The following MMP26 variants were observed in gnomAD, a reference collection of about 807,000 sequenced individuals.
The protein encoded by MMP26 is matrix metallopeptidase 26, also known as matrix metalloproteinase-26.
A neutral mutation model predicts 31.0 loss-of-function variants in MMP26; 33 were observed. The ratio of observed to expected loss-of-function variants is 1.06; its 90% CI spans 0.81 to 1.42. The LOEUF (loss-of-function observed/expected upper bound fraction) is 1.42, where lower values mean the gene tolerates loss of function less well. Ranked by LOEUF, MMP26 falls within the 40% of genes most tolerant of loss-of-function variation. The pLI is 0.00. For missense variants in MMP26, 347 were observed against 316.1 expected (o/e 1.10, Z -0.74); for synonymous variants, 122 against 114.9 (o/e 1.06, Z -0.40).
chr11:4,767,513 A>C (rs957413336), intron 2 of MMP26, among the ~76,000 whole-genome samples, 172 bp downstream of exon 2: 1 of 152,224 alleles, frequency 6.6e-6, no homozygotes, highest in African/African-American at 2.4e-5. Flanking sequence ...CAAACATAAA[A>C]TATACCTACA....
At chr11:4,889,419 A>G (rs779611896) in intron 2 of MMP26, among the ~76,000 whole-genome samples, 4 of 152,194 alleles carry the variant, frequency 2.6e-5, no homozygotes, top group Admixed American at 6.5e-5. Context: ...GATGCAATCA[A>G]TCACACTTTT....
At chr11:4,937,562 G>C (rs1846142981) in intron 2 of MMP26, 1 of 152,936 alleles carries the variant, frequency 6.5e-6, no homozygotes. Flanking sequence ...GCACAGATGT[G>C]AGAGATGCAC....
At chr11:4,987,639 C>T (rs111253502) in intron 2 of MMP26, among the ~76,000 whole-genome samples, 69 of 151,608 alleles carry the variant, frequency 4.6e-4, no homozygotes, top group African/African-American at 1.5e-3. Context: ...AGGATGGTCT[C>T]GATCTCCTGA....
intron 1 of MMP26, among the ~76,000 whole-genome samples, chr11:4,750,284 G>A (rs1848431712): frequency 6.6e-6 from 1 of 151,980 alleles, no homozygotes; most frequent in African/African-American, 2.4e-5. Flanking sequence ...ATGTTTGTGA[G>A]GATGTGGAGA....
At chr11:4,932,066 C>T (rs1394772770) in intron 2 of MMP26, among the ~76,000 whole-genome samples, 3 of 152,032 alleles carry the variant, frequency 2.0e-5, no homozygotes. Context: ...GCTGAAATAG[C>T]ACTTACTACA....
At chr11:4,898,827 CTCTCTGTGTG>C (rs1218880665) in intron 2 of MMP26, among the ~76,000 whole-genome samples, 37 of 51,754 alleles carry the variant, frequency 7.1e-4, no homozygotes, top group African/African-American at 1.4e-3. Flanking sequence ...CTCTCTCTCT[CTCTCTGTGTG>C]TGTGTGTGTG....
intron 2 of MMP26, among the ~76,000 whole-genome samples, chr11:4,798,359 G>A (rs1311967014): frequency 6.6e-6 from 1 of 152,206 alleles, no homozygotes; most frequent in African/African-American, 2.4e-5. Context: ...GTCAAGGTGG[G>A]ACTACAGGAC....
intron 2 of MMP26, among the ~76,000 whole-genome samples, chr11:4,934,974 T>C (rs1009713357): frequency 1.3e-5 from 2 of 151,870 alleles, no homozygotes; most frequent in African/African-American, 2.4e-5. Context: ...TTTTGGTTAC[T>C]GTAGCCTTGT....
At chr11:4,985,764 T>A (rs934232342) in intron 2 of MMP26, among the ~76,000 whole-genome samples, 8 of 152,216 alleles carry the variant, frequency 5.3e-5, no homozygotes, top group African/African-American at 1.9e-4. Context: ...TATATGAATC[T>A]TAAGTGTACA....
intron 2 of MMP26, among the ~76,000 whole-genome samples, chr11:4,784,828 G>A (rs117191896): frequency 9.1e-4 from 138 of 152,220 alleles, no homozygotes; most frequent in East Asian, 8.9e-3. Flanking sequence ...TAAATGACAC[G>A]TAATAATTGT....
intron 1 of MMP26, among the ~76,000 whole-genome samples, chr11:4,757,388 A>G (rs535257898): frequency 4.6e-5 from 7 of 152,258 alleles, no homozygotes; most frequent in Admixed American, 2.6e-4. Flanking sequence ...CTAGAAAAAA[A>G]ATCGGAGAAG....
intron 2 of MMP26, among the ~76,000 whole-genome samples, chr11:4,774,264 T>C (rs1848762935): frequency 1.3e-5 from 2 of 152,194 alleles, no homozygotes; most frequent in South Asian, 4.1e-4. Context: ...AAAGCATTCC[T>C]ATTTCTCCAC....
chr11:4,970,744 G>C (rs577690282), intron 2 of MMP26, among the ~76,000 whole-genome samples: 1 of 152,286 alleles, frequency 6.6e-6, no homozygotes, highest in South Asian at 2.1e-4. Flanking sequence ...TGCATTTCTG[G>C]TGGTGGCTAT....
rs552482731 is a variant in MMP26, at chr11:4,723,836, C to A, written c.-217+18791C>A. 4 of 1,544,580 alleles carry A rather than the reference C, an allele frequency of 2.6e-6. No individual in the cohort carries two copies. In the African/African-American group the frequency reaches 5.4e-5, roughly 21 times the overall value. On this transcript the variant is annotated intron_variant, in intron 1 of 7. Transcript: ENST00000380390. Reference sequence around the variant, plus strand: ...GTCTCCAGCATCTTGTTATGCTGCTCCAGGAACCGTACCTTGTCTATGAAG... The same window carrying A: ...GTCTCCAGCATCTTGTTATGCTGCTACAGGAACCGTACCTTGTCTATGAAG...
At chr11:4,986,960 C>CCCT (rs1846908790) in intron 2 of MMP26, among the ~76,000 whole-genome samples, 1 of 53,334 alleles carries the variant, frequency 1.9e-5, no homozygotes, top group Admixed American at 2.1e-4. Context: ...TCTCTCTCTC[C>CCCT]CTCTCTCTCT....
intron 2 of MMP26, among the ~76,000 whole-genome samples, chr11:4,982,665 T>C (rs1338096591): frequency 6.6e-6 from 1 of 152,202 alleles, no homozygotes; most frequent in Non-Finnish European, 1.5e-5. Flanking sequence ...AGTATACTTA[T>C]CTGAATAAAC....
chr11:4,988,321 G>A lies in MMP26; in HGVS notation c.99+11G>A, dbSNP rs375376542. The A allele has an allele frequency of 5.4e-5, 87 of 1,606,532 alleles. No individual in the cohort carries two copies. Among genetic ancestry groups the A allele is most frequent in the Non-Finnish European group, 6.8e-5 (80 of 1,173,272 alleles). ...TGGGACTTTGTTGAGGTAGGTGAACGACTCAGGACCACATTATTACATGGT... is the reference window on the plus strand; with the variant it reads ...TGGGACTTTGTTGAGGTAGGTGAACAACTCAGGACCACATTATTACATGGT... On this transcript the variant is annotated intron_variant, in intron 3 of 7. Transcript: ENST00000380390.
rs566592977 is a variant in MMP26 at position 4,901,520 on chromosome 11, C to T, written c.-144-86548C>T. Among the ~76,000 whole-genome samples, 15 of 151,990 alleles carry T rather than the reference C, an allele frequency of 9.9e-5. No individual in the cohort carries two copies. The South Asian group carries it at 1.2e-3, about 13-fold the overall frequency. ...TTACTTGTGTCTTAGCATGGGCATA[C>T]GTCTTTCTGTTATGTGAGTAGAATT... On this transcript the variant is annotated intron_variant, in intron 2 of 7. Coordinates refer to ENST00000380390, the MANE Select transcript of MMP26 (RefSeq NM_021801.5).
At chr11:4,706,157 G>T (rs1033943436) in intron 1 of MMP26, among the ~76,000 whole-genome samples, 1 of 152,136 alleles carries the variant, frequency 6.6e-6, no homozygotes, top group Non-Finnish European at 1.5e-5. Context: ...CACGTAGAAG[G>T]CATTAAATAC....
Sources: gnomAD v4.1 joint callset for allele counts (sites outside exome capture counted in the v4.1 genomes callset) on GRCh38, gnomAD v4.1.1 for gene constraint, MANE v1.5 for transcripts, NCBI Gene and HGNC (gene_info 2026-07-23, HGNC 2026-07-21) for gene names.